LTBP1: variants seen among roughly 807,000 people sequenced by gnomAD.
LTBP1 encodes the protein latent transforming growth factor beta binding protein 1, also known as latent-transforming growth factor beta-binding protein 1.
In LTBP1, 129 loss-of-function variants were observed where a neutral mutation model predicts 207.6. That is an observed-to-expected ratio of 0.62 (90% CI 0.54 to 0.72). The LOEUF is 0.72. Among genes scored for constraint, LTBP1 ranks in the 30% least tolerant of loss-of-function variants. The pLI, the probability that LTBP1 is intolerant of heterozygous loss-of-function variation, is 0.00. For synonymous variants in LTBP1, 963 were observed against 833.7 expected, an observed-to-expected ratio of 1.16 and a Z score of -2.67; for missense variants, 2,281 against 2,217.2, an observed-to-expected ratio of 1.03 and a Z score of -0.58.
At chr2:32,959,410 A>G (rs1678634047) in intron 2 of LTBP1, among the ~76,000 whole-genome samples, 2 of 151,920 alleles carry the variant, frequency 1.3e-5, no homozygotes, top group South Asian at 4.2e-4. Context: ...ATATGATAAT[A>G]AAGTAAGGAA....
intron 6 of LTBP1, among the ~76,000 whole-genome samples, chr2:33,187,981 G>A (rs558639872): frequency 1.1e-4 from 17 of 152,286 alleles, no homozygotes; most frequent in African/African-American, 4.1e-4. Context: ...CAAGCAGCAT[G>A]AATTTCACAG....
At chr2:33,133,014 C>A (rs1183218477) in intron 4 of LTBP1, among the ~76,000 whole-genome samples, 1 of 152,110 alleles carries the variant, frequency 6.6e-6, no homozygotes, top group South Asian at 2.1e-4. Context: ...CCATAACTAT[C>A]ATGTGCTTTT....
At chr2:33,315,003 G>A (rs543145715) in intron 23 of LTBP1, 141 bp from the exon 24 acceptor site, 1 of 663,760 alleles carries the variant, frequency 1.5e-6, no homozygotes, top group African/African-American at 1.8e-5. Context: ...TCCTGTGGTT[G>A]ATTTATGGAC....
At chr2:33,061,435 A>G (rs566808496) in intron 3 of LTBP1, 1 of 152,292 alleles carries the variant, frequency 6.6e-6, no homozygotes, top group Non-Finnish European at 1.5e-5. Context: ...CTATCAAGGT[A>G]GAGGACTTGG....
At chr2:33,037,008 C>G (rs1263566600) in intron 3 of LTBP1, among the ~76,000 whole-genome samples, 1 of 152,044 alleles carries the variant, frequency 6.6e-6, no homozygotes, top group Non-Finnish European at 1.5e-5. Flanking sequence ...GGATCCATTT[C>G]TATCTCATTG....
At chr2:33,150,080 G>C (rs1187634886) in intron 5 of LTBP1, among the ~76,000 whole-genome samples, 1 of 152,138 alleles carries the variant, frequency 6.6e-6, no homozygotes, top group African/African-American at 2.4e-5. Flanking sequence ...AAACACTCTA[G>C]GTCAGCTGGA....
intron 2 of LTBP1, among the ~76,000 whole-genome samples, chr2:32,950,362 G>T (rs1330112585): frequency 1.3e-5 from 2 of 152,064 alleles, no homozygotes; most frequent in Non-Finnish European, 2.9e-5. Flanking sequence ...TTCGAGACCA[G>T]CCTGGGCAGC....
chr2:33,176,461 G>A (rs531463189), intron 5 of LTBP1, among the ~76,000 whole-genome samples: 1 of 152,106 alleles, frequency 6.6e-6, no homozygotes, highest in African/African-American at 2.4e-5. Context: ...TCCTGACTTC[G>A]TCATCTGCCT....
intron 26 of LTBP1, among the ~76,000 whole-genome samples, chr2:33,348,628 T>C (rs1357250065): frequency 6.6e-6 from 1 of 152,220 alleles, no homozygotes; most frequent in Non-Finnish European, 1.5e-5. Context: ...TTTGTTTGGT[T>C]CCATAGGGTA....
intron 31 of LTBP1, 119 bp from the exon 32 acceptor site, chr2:33,389,065 G>T: frequency 2.2e-6 from 3 of 1,387,436 alleles, no homozygotes; most frequent in East Asian, 2.3e-5. Flanking sequence ...TGGTACGCAG[G>T]AGATGGAGAC....
At chr2:33,362,298 T>C (rs1434047792) in intron 28 of LTBP1, among the ~76,000 whole-genome samples, 1 of 152,100 alleles carries the variant, frequency 6.6e-6, no homozygotes, top group Non-Finnish European at 1.5e-5. Flanking sequence ...TTGAATAATA[T>C]GGTATAATTC....
At chr2:33,308,451 C>T (rs1442993754) in intron 22 of LTBP1, among the ~76,000 whole-genome samples, 1 of 152,196 alleles carries the variant, frequency 6.6e-6, no homozygotes, top group African/African-American at 2.4e-5. Flanking sequence ...TGTTCTCCTT[C>T]TGTTCAAAAG....
chr2:33,016,969 A>G (rs2149169800), intron 2 of LTBP1, among the ~76,000 whole-genome samples: 1 of 152,362 alleles, frequency 6.6e-6, no homozygotes, highest in East Asian at 1.9e-4. Context: ...GTGAGTCAAG[A>G]TCGTGCCACT....
chr2:32,996,774 C>T (rs1014295377), intron 2 of LTBP1, among the ~76,000 whole-genome samples: 1 of 152,166 alleles, frequency 6.6e-6, no homozygotes, highest in Non-Finnish European at 1.5e-5. Context: ...GGTTGACTGT[C>T]TAACTTGCAA....
intron 7 of LTBP1, among the ~76,000 whole-genome samples, chr2:33,201,565 A>C (rs2089278002): frequency 6.6e-6 from 1 of 152,074 alleles, no homozygotes; most frequent in Non-Finnish European, 1.5e-5. Context: ...CCAGCATGGC[A>C]CATGTATACA....
intron 26 of LTBP1, among the ~76,000 whole-genome samples, chr2:33,353,194 G>A (rs966714829): frequency 6.6e-6 from 1 of 151,974 alleles, no homozygotes; most frequent in African/African-American, 2.4e-5. Context: ...GACCAGCCTG[G>A]TCTTGAACTA....
chr2:33,135,037 A>G (rs2082032549), intron 5 of LTBP1, 77 bp downstream of exon 5: 2 of 1,406,936 alleles, frequency 1.4e-6, no homozygotes, highest in Non-Finnish European at 1.9e-6. Flanking sequence ...CACCCCCTCC[A>G]TTCACACTGC....
intron 5 of LTBP1, among the ~76,000 whole-genome samples, chr2:33,141,783 C>A (rs1180612315): frequency 1.3e-5 from 2 of 152,128 alleles, no homozygotes; most frequent in Non-Finnish European, 2.9e-5. Context: ...GGAGCACCCC[C>A]CAAAAAGGCT....
At chr2:33,203,215 C>T (rs1362726006) in intron 7 of LTBP1, among the ~76,000 whole-genome samples, 2 of 152,146 alleles carry the variant, frequency 1.3e-5, no homozygotes, top group African/African-American at 4.8e-5. Flanking sequence ...GGTCTTGTTC[C>T]AGCAACCTCT....
Sources: gnomAD v4.1 joint callset for allele counts (sites outside exome capture counted in the v4.1 genomes callset) on GRCh38, gnomAD v4.1.1 for gene constraint, MANE v1.5 for transcripts, NCBI Gene and HGNC (gene_info 2026-07-23, HGNC 2026-07-21) for gene names.